The following CNRIP1 variants were observed in gnomAD, a reference collection of about 807,000 sequenced individuals.
CNRIP1 encodes the protein CB1 cannabinoid receptor-interacting protein 1.
CNRIP1 carries 10 observed loss-of-function variants against 15.2 expected under a neutral mutation model. The observed-to-expected ratio is 0.66, with a 90% CI of 0.41 to 1.12. The LOEUF is 1.12. CNRIP1 is among the 50% of genes most tolerant of loss of function. The probability of loss-of-function intolerance (pLI) is 0.00; values close to 1 mark genes in which losing one functional copy is unlikely to be tolerated. For missense variants in CNRIP1, 211 were observed against 214.7 expected (o/e 0.98, Z 0.11); for synonymous variants, 91 against 83.2 (o/e 1.09, Z -0.51).
downstream of CNRIP1, among the ~76,000 whole-genome samples, chr2:68,289,512 G>T (rs1671110789): frequency 6.6e-6 from 1 of 151,152 alleles, no homozygotes; most frequent in African/African-American, 2.4e-5. Flanking sequence ...ACAGAGTCTT[G>T]CTGTGTCACC....
At position 68,293,458 on chromosome 2, in the gene CNRIP1, T is replaced by C. The variant is rs1269877626; in HGVS notation, c.*404A>G. On this transcript the variant is annotated 3_prime_UTR_variant, in exon 3 of 3. Transcript: ENST00000263655. Reference sequence around the variant, plus strand: ...TACACATGGGAGGACCCATACACATTGTTATTTTTAAATTTAACATTGAAC... The same window carrying C: ...TACACATGGGAGGACCCATACACATCGTTATTTTTAAATTTAACATTGAAC... 2.0e-6 allele frequency: 2 copies of C among 1,000,232 alleles called. No homozygotes were observed. The highest frequency in any genetic ancestry group is 3.4e-5 in the African/African-American group (2 of 58,054). 62.0% of individuals were successfully genotyped at this position (1,000,232 alleles called of 1,614,324 possible). A position where few individuals can be genotyped will look rare whatever the true frequency, so the allele number is the denominator to read the frequency against.
intron 2 of CNRIP1, among the ~76,000 whole-genome samples, chr2:68,313,866 C>A (rs777294988): frequency 1.3e-5 from 2 of 152,106 alleles, no homozygotes; most frequent in Non-Finnish European, 2.9e-5. Flanking sequence ...TATCATCCAA[C>A]CCCTACTTAC....
chr2:68,301,120 A>G (rs1671590416), intron 2 of CNRIP1, among the ~76,000 whole-genome samples: 1 of 152,228 alleles, frequency 6.6e-6, no homozygotes, highest in Non-Finnish European at 1.5e-5. Flanking sequence ...CCTCATGGGC[A>G]TATACGTAAA....
At chr2:68,306,808 C>A (rs1337836404) in intron 2 of CNRIP1, among the ~76,000 whole-genome samples, 2 of 151,542 alleles carry the variant, frequency 1.3e-5, no homozygotes, top group Non-Finnish European at 2.9e-5. Context: ...ACAAACTTAC[C>A]CTTAAGGGTA....
intron 2 of CNRIP1, among the ~76,000 whole-genome samples, chr2:68,298,503 C>G (rs772720481): frequency 6.6e-6 from 1 of 152,000 alleles, no homozygotes; most frequent in African/African-American, 2.4e-5. Context: ...AAACGTAAGG[C>G]TTATGTCTAA....
intron 2 of CNRIP1, among the ~76,000 whole-genome samples, chr2:68,315,240 A>C (rs1259913399): frequency 6.6e-6 from 1 of 152,204 alleles, no homozygotes; most frequent in Non-Finnish European, 1.5e-5. Context: ...ATAGTAAATG[A>C]ATATGTCAGG....
At chr2:68,311,614 AAAT>A (rs1336313760) in intron 2 of CNRIP1, among the ~76,000 whole-genome samples, 1 of 151,880 alleles carries the variant, frequency 6.6e-6, no homozygotes, top group Non-Finnish European at 1.5e-5. Flanking sequence ...TCTCTACTAA[AAAT>A]ACAAAAAATT....
At chr2:68,308,251 A>C (rs1671936632) in intron 2 of CNRIP1, among the ~76,000 whole-genome samples, 1 of 151,952 alleles carries the variant, frequency 6.6e-6, no homozygotes, top group Admixed American at 6.6e-5. Context: ...TGTCATTGGG[A>C]ATTACTTTTA....
chr2:68,286,738 G>A (rs183872672), intron 2 of CNRIP1, among the ~76,000 whole-genome samples: 1 of 152,284 alleles, frequency 6.6e-6, no homozygotes, highest in African/African-American at 2.4e-5. Context: ...CAGAGGCCAA[G>A]GGTCTATAAA....
chr2:68,292,746 G>T (rs1671209058), downstream of CNRIP1, among the ~76,000 whole-genome samples: 1 of 152,130 alleles, frequency 6.6e-6, no homozygotes, highest in Non-Finnish European at 1.5e-5. Context: ...CTGGGGAGGG[G>T]TCACCACAGA....
chr2:68,315,438 C>T, intron 2 of CNRIP1, among the ~76,000 whole-genome samples: 1 of 152,148 alleles, frequency 6.6e-6, no homozygotes, highest in East Asian at 1.9e-4. Context: ...CACATTTCTT[C>T]TAGAAATCAA....
intron 1 of CNRIP1, 108 bp from the exon 2 acceptor site, chr2:68,317,415 G>A (rs947133158): frequency 1.2e-5 from 14 of 1,194,792 alleles, no homozygotes; most frequent in Non-Finnish European, 1.7e-5. Context: ...CACTAAGGGG[G>A]GCATTGTGGT....
intron 2 of CNRIP1, among the ~76,000 whole-genome samples, chr2:68,310,056 G>A (rs1479771511): frequency 4.6e-5 from 7 of 152,242 alleles, no homozygotes; most frequent in African/African-American, 1.4e-4. Context: ...GGCCAGGCAC[G>A]GTGGCTCACT....
At position 68,311,549 on chromosome 2, in the gene CNRIP1, G is replaced by A. The variant is rs139748576; in HGVS notation, c.330+5608C>T. On this transcript the variant is annotated intron_variant, in intron 2 of 2. Coordinates refer to ENST00000263655, the MANE Select transcript of CNRIP1 (RefSeq NM_015463.3). Reference sequence around the variant, plus strand: ...AGCCCTTTGAGAGGACAAGGTGGGCGGATCTTGTGAGGCCAGGAGTTCGAG... The same window carrying A: ...AGCCCTTTGAGAGGACAAGGTGGGCAGATCTTGTGAGGCCAGGAGTTCGAG... Among the ~76,000 whole-genome samples the A allele has an allele frequency of 4.0e-3, 608 of 152,144 alleles. 3 individuals carry two copies. The highest frequency in any genetic ancestry group is 0.014 in the African/African-American group (569 of 41,504).
rs1672428878 is a variant in CNRIP1, at chr2:68,319,682, C to T, written c.-282G>A. The stretch of plus-strand genomic sequence containing the variant: ...CCCATCCCCCGCTCCAGTGCTGCGC[C>T]CTCCACGCACCCGAAGGCTCGCTCT... On this transcript the variant is annotated 5_prime_UTR_variant, in exon 1 of 3. Transcript: ENST00000263655. The T allele has an allele frequency of 7.7e-6, 3 of 389,670 alleles. No homozygotes were observed. The highest frequency in any genetic ancestry group is 4.3e-5 in the African/African-American group (2 of 46,568). The allele number at this position is 389,670 out of a possible 1,614,324, so 24.1% of individuals were successfully genotyped here.
At chr2:68,285,221 C>T (rs946993865) in intron 2 of CNRIP1, among the ~76,000 whole-genome samples, 3 of 149,700 alleles carry the variant, frequency 2.0e-5, no homozygotes, top group African/African-American at 4.9e-5. Flanking sequence ...TTTCCCCACC[C>T]ACCCTCCCAA....
At chr2:68,295,379 C>T (rs1671313145) in intron 2 of CNRIP1, among the ~76,000 whole-genome samples, 1 of 152,120 alleles carries the variant, frequency 6.6e-6, no homozygotes. Context: ...GGATGATATA[C>T]CTAGAGTCCA....
chr2:68,287,279 T>C (rs1671053874), intron 2 of CNRIP1, among the ~76,000 whole-genome samples: 1 of 152,204 alleles, frequency 6.6e-6, no homozygotes, highest in South Asian at 2.1e-4. Flanking sequence ...AAGGTTATGC[T>C]GAAGTAATGA....
chr2:68,319,070 G>A (rs573403767), intron 1 of CNRIP1, 152 bp downstream of exon 1: 10 of 666,034 alleles, frequency 1.5e-5, no homozygotes, highest in African/African-American at 1.5e-4. Context: ...GGACGAAGGC[G>A]GACAGGGAGT....
Sources: allele counts gnomAD v4.1 joint callset (sites outside exome capture counted in the v4.1 genomes callset), GRCh38; gene constraint gnomAD v4.1.1; transcripts MANE v1.5; gene names NCBI Gene and HGNC (gene_info 2026-07-23, HGNC 2026-07-21).